Variants in ATP13A4 observed in about 807,000 individuals in gnomAD.
ATP13A4 encodes the protein ATPase 13A4, also known as probable cation-transporting ATPase 13A4.
In ATP13A4, 114 loss-of-function variants were observed where a neutral mutation model predicts 142.5. The ratio of observed to expected loss-of-function variants is 0.80; its 90% confidence interval spans 0.69 to 0.93. The LOEUF is 0.93. ATP13A4 is among the 40% of genes least tolerant of loss of function. The pLI, the probability that ATP13A4 is intolerant of heterozygous loss-of-function variation, is 0.00. For synonymous variants in ATP13A4, 488 were observed against 514.8 expected, an observed-to-expected ratio of 0.95 and a Z score of 0.70; for missense variants, 1,392 against 1,454.0, an observed-to-expected ratio of 0.96 and a Z score of 0.69.
At chr3:193,585,046 G>A (rs1010248371) in intron 1 of ATP13A4, among the ~76,000 whole-genome samples, 3 of 152,182 alleles carry the variant, frequency 2.0e-5, no homozygotes, top group South Asian at 4.1e-4. Flanking sequence ...CCTGCAGCCT[G>A]CAGGCTGCAT....
chr3:193,460,251 C>T (rs1171805115), intron 13 of ATP13A4, among the ~76,000 whole-genome samples: 1 of 152,198 alleles, frequency 6.6e-6, no homozygotes, highest in African/African-American at 2.4e-5. Flanking sequence ...CTCTCACCTT[C>T]CTTATTCTTC....
At chr3:193,590,644 A>G (rs1724745330) in intron 1 of ATP13A4, among the ~76,000 whole-genome samples, 2 of 152,230 alleles carry the variant, frequency 1.3e-5, no homozygotes, top group Admixed American at 6.5e-5. Context: ...AAGTTAAACT[A>G]TAAACTACAT....
Position 193,414,718 on chromosome 3 carries a change from G to A in ATP13A4, c.2875C>T (p.Pro959Ser), listed in dbSNP as rs756693304. Reference sequence around the variant, plus strand: ...ATCAGCCGTCCTGCAGGTCTGAAAGGCACCAGCTTAGGGTAGGCACCATTC... The same window carrying A: ...ATCAGCCGTCCTGCAGGTCTGAAAGACACCAGCTTAGGGTAGGCACCATTC... ...NLNGAYPKLVPFRPAGRLISP... is the reference protein window; with the variant it reads ...NLNGAYPKLVSFRPAGRLISP... The change falls in exon 26 of 30, where the codon CCT (proline) becomes TCT (serine). Residue 959 changes from proline (P) to serine (S), a missense_variant. Transcript: ENST00000342695. 1.2e-6 allele frequency: 2 copies of A among 1,614,100 alleles called. No homozygotes were observed. The highest frequency in any genetic ancestry group is 2.2e-5 in the East Asian group (1 of 44,890).
At chr3:193,439,789 A>G (rs1250562301) in intron 21 of ATP13A4, among the ~76,000 whole-genome samples, 2 of 152,172 alleles carry the variant, frequency 1.3e-5, no homozygotes, top group Admixed American at 6.5e-5. Flanking sequence ...ACACTGCCAT[A>G]TGGAGGGAAC....
chr3:193,514,202 C>A (rs1367497292), intron 2 of ATP13A4, among the ~76,000 whole-genome samples: 1 of 152,036 alleles, frequency 6.6e-6, no homozygotes, highest in Non-Finnish European at 1.5e-5. Flanking sequence ...AGCTTAGTAC[C>A]CATTAATTGT....
intron 2 of ATP13A4, chr3:193,578,864 G>C (rs1724468216): frequency 6.2e-6 from 1 of 161,224 alleles, no homozygotes; most frequent in Admixed American, 6.1e-5. Context: ...TATTGTGGCT[G>C]GGTTGTAGCC....
At chr3:193,426,461 G>T (rs1000242683) in intron 25 of ATP13A4, among the ~76,000 whole-genome samples, 1 of 151,830 alleles carries the variant, frequency 6.6e-6, no homozygotes, top group Non-Finnish European at 1.5e-5. Context: ...CAGATTTGAT[G>T]CAATCTCTAT....
At chr3:193,548,261 T>C (rs1312207154) in intron 1 of ATP13A4, among the ~76,000 whole-genome samples, 1 of 152,176 alleles carries the variant, frequency 6.6e-6, no homozygotes, top group Non-Finnish European at 1.5e-5. Flanking sequence ...GAATGCAAAA[T>C]TGCAGTTAAT....
At chr3:193,494,789 C>T (rs757914865) in intron 3 of ATP13A4, among the ~76,000 whole-genome samples, 3 of 151,456 alleles carry the variant, frequency 2.0e-5, no homozygotes, top group Admixed American at 6.6e-5. Context: ...GTAAATAAAA[C>T]GAGACAACAA....
Position 193,514,696 on chromosome 3 carries a change from A to T in ATP13A4, c.234+2T>A. ...CAGCGACATAACCAGGTACACACTTACCGTTGTCCTCAGCAACACAGTGTC... is the reference window on the plus strand; with the variant it reads ...CAGCGACATAACCAGGTACACACTTTCCGTTGTCCTCAGCAACACAGTGTC... On this transcript the variant is annotated splice_donor_variant, in intron 2 of 29. Transcript: ENST00000342695. LOFTEE classifies it high-confidence loss of function. 6.2e-7 allele frequency: 1 copy of T among 1,614,064 alleles called. No individual in the cohort carries two copies.
chr3:193,436,077 C>G (rs1317256177), intron 23 of ATP13A4, among the ~76,000 whole-genome samples: 1 of 152,218 alleles, frequency 6.6e-6, no homozygotes, highest in African/African-American at 2.4e-5. Context: ...TACCTATTCA[C>G]TAATGAGATG....
At chr3:193,574,133 AATTTTCCAT>A (rs957666473) in intron 2 of ATP13A4, among the ~76,000 whole-genome samples, 39 of 152,228 alleles carry the variant, frequency 2.6e-4, no homozygotes, top group Admixed American at 6.5e-5. Flanking sequence ...CTTTTTAACT[AATTTTCCAT>A]ATTTTCCAAA....
At chr3:193,448,475 A>G (rs1366198472) in intron 17 of ATP13A4, 145 bp from the exon 18 acceptor site, 4 of 1,013,896 alleles carry the variant, frequency 3.9e-6, no homozygotes, top group Non-Finnish European at 5.9e-6. Context: ...AACTGGGATT[A>G]TAGGTGCCCA....
chr3:193,404,406 C>T (rs1714392882), intron 29 of ATP13A4, among the ~76,000 whole-genome samples: 1 of 152,064 alleles, frequency 6.6e-6, no homozygotes, highest in South Asian at 2.1e-4. Context: ...GTCCTGTTAC[C>T]GCACATTATA....
intron 29 of ATP13A4, 81 bp from the exon 30 acceptor site, chr3:193,402,945 A>G: frequency 8.1e-7 from 1 of 1,233,650 alleles, no homozygotes; most frequent in Non-Finnish European, 1.2e-6. Flanking sequence ...ATCATAAGTC[A>G]CTACTGCAAT....
rs187890956 is a variant in ATP13A4 at position 193,474,928 on chromosome 3, G to T, written c.809-3935C>A. On this transcript the variant is annotated intron_variant, in intron 8 of 29. Coordinates refer to ENST00000342695, the MANE Select transcript of ATP13A4 (RefSeq NM_032279.4). ...GTTTTAAATTACTTTCTAAAAAAGA[G>T]AGTGAGACATATGTATGAGATAACA... Among the ~76,000 whole-genome samples, 97 of 152,056 alleles carry T rather than the reference G, an allele frequency of 6.4e-4. 1 individual carries two copies. The highest frequency in any genetic ancestry group is 1.9e-4 in the Non-Finnish European group (13 of 68,010).
At position 193,400,470 on chromosome 3, in the gene ATP13A4, C is replaced by T. The variant is rs955910479; in HGVS notation, c.*2182G>A. 5.3e-5 allele frequency among the ~76,000 whole-genome samples: 8 copies of T among 152,200 alleles called. No individual in the cohort carries two copies. The highest frequency in any genetic ancestry group is 1.0e-4 in the Non-Finnish European group (7 of 68,036). On this transcript the variant is annotated 3_prime_UTR_variant, in exon 30 of 30. Transcript: ENST00000342695. Reference sequence around the variant, plus strand: ...CTCTAGCCCAGGCCTGGCAGGATGCCTGGCATTCATTTGAACAGAGGGCCT... The same window carrying T: ...CTCTAGCCCAGGCCTGGCAGGATGCTTGGCATTCATTTGAACAGAGGGCCT...
At chr3:193,498,062 A>G (rs3914904) in intron 3 of ATP13A4, among the ~76,000 whole-genome samples, 150,986 of 152,232 alleles carry the variant, frequency 0.99, 74,879 homozygotes, top group Middle Eastern at 1. Flanking sequence ...AGCTAGAAGA[A>G]AGGATTTTGA....
intron 1 of ATP13A4, among the ~76,000 whole-genome samples, chr3:193,592,378 G>A (rs1489311683): frequency 6.6e-6 from 1 of 152,134 alleles, no homozygotes; most frequent in Non-Finnish European, 1.5e-5. Flanking sequence ...CCAACATTGA[G>A]AAATTTGGGA....
Sources: allele counts gnomAD v4.1 joint callset (sites outside exome capture counted in the v4.1 genomes callset), GRCh38; gene constraint gnomAD v4.1.1; transcripts MANE v1.5; gene names NCBI Gene and HGNC (gene_info 2026-07-23, HGNC 2026-07-21).